UBE2E2: variants seen among roughly 807,000 people sequenced by gnomAD.
UBE2E2 encodes ubiquitin conjugating enzyme E2 E2, also known as ubiquitin-conjugating enzyme E2 E2.
In UBE2E2, 6 loss-of-function variants were observed where a neutral mutation model predicts 24.7. That is an observed-to-expected ratio of 0.24 (90% CI 0.13 to 0.48). The LOEUF is 0.48. Among genes scored for constraint, UBE2E2 ranks in the 20% least tolerant of loss-of-function variants. The pLI, the probability that UBE2E2 is intolerant of heterozygous loss-of-function variation, is 0.99. For missense variants in UBE2E2, 169 were observed against 245.0 expected, an observed-to-expected ratio of 0.69 and a Z score of 2.07; for synonymous variants, 104 against 83.6, an observed-to-expected ratio of 1.24 and a Z score of -1.33.
At chr3:23,359,641 G>A (rs1351151015) in intron 3 of UBE2E2, among the ~76,000 whole-genome samples, 2 of 151,576 alleles carry the variant, frequency 1.3e-5, no homozygotes, top group Non-Finnish European at 2.9e-5. Context: ...TTCTTTTTTT[G>A]CCTTTCTCTG....
At chr3:23,255,991 AC>A (rs1259438983) in intron 3 of UBE2E2, among the ~76,000 whole-genome samples, 2 of 152,208 alleles carry the variant, frequency 1.3e-5, no homozygotes, top group Non-Finnish European at 2.9e-5. Context: ...TAAATAAAAG[AC>A]AGCTTCTGAG....
chr3:23,447,650 T>C (rs1209147152), intron 3 of UBE2E2, among the ~76,000 whole-genome samples: 1 of 152,334 alleles, frequency 6.6e-6, no homozygotes, highest in South Asian at 2.1e-4. Context: ...GTTTTAGTAA[T>C]TCTTTTTTTG....
chr3:23,515,799 GAAAA>G (rs201490292), intron 4 of UBE2E2, among the ~76,000 whole-genome samples: 2 of 120,624 alleles, frequency 1.7e-5, no homozygotes, highest in African/African-American at 3.0e-5. Flanking sequence ...TCTACAAAAA[GAAAA>G]AAAAAAAAAA....
intron 3 of UBE2E2, among the ~76,000 whole-genome samples, chr3:23,278,921 C>G (rs755841797): frequency 6.7e-6 from 1 of 150,346 alleles, no homozygotes; most frequent in Non-Finnish European, 1.5e-5. Context: ...ATTAGGATAG[C>G]AGTCACATGT....
intron 3 of UBE2E2, among the ~76,000 whole-genome samples, chr3:23,229,099 T>C: frequency 6.6e-6 from 1 of 152,212 alleles, no homozygotes; most frequent in East Asian, 1.9e-4. Flanking sequence ...GAGCTCTTTC[T>C]TTAATCCCTG....
In UBE2E2 at chr3:23,565,788, G is replaced by T. The variant is rs534964560; in HGVS notation, c.509-23946G>T. On this transcript the variant is annotated intron_variant, in intron 5 of 5. Coordinates refer to ENST00000396703, the MANE Select transcript of UBE2E2 (RefSeq NM_152653.4). ...TTCTGCCTAATAGTTCAGCATCATT[G>T]GAAAGGACTTAGTGTGTTCGCAGAT... is the stretch of plus-strand genomic sequence containing the variant. 1.2e-4 allele frequency among the ~76,000 whole-genome samples: 19 copies of T among 152,228 alleles called. 1 individual carries two copies. In the South Asian group the frequency reaches 3.9e-3, roughly 32 times the overall value.
rs1695200579 is a variant in UBE2E2 at position 23,534,243 on chromosome 3, T to C, written c.508+1542T>C. ...AGCCTGTATATGACAGCCTGTTCTC[T>C]CTACAGATATTCCTGCTTAAAGGAA... On this transcript the variant is annotated intron_variant, in intron 5 of 5. Transcript: ENST00000396703. The C allele has an allele frequency of 2.3e-5, 23 of 984,342 alleles. No homozygotes were observed. In the South Asian group the frequency reaches 7.5e-4, roughly 32 times the overall value. The allele number at this position is 984,342 out of a possible 1,614,324, so 61.0% of individuals were successfully genotyped here.
At chr3:23,433,957 C>T (rs1698124252) in intron 3 of UBE2E2, among the ~76,000 whole-genome samples, 1 of 151,894 alleles carries the variant, frequency 6.6e-6, no homozygotes, top group African/African-American at 2.4e-5. Flanking sequence ...AAAATAAATC[C>T]TCAATATTAT....
At chr3:23,489,456 C>CA (rs1648287629) in intron 3 of UBE2E2, among the ~76,000 whole-genome samples, 2 of 151,998 alleles carry the variant, frequency 1.3e-5, no homozygotes, top group Non-Finnish European at 1.5e-5. Flanking sequence ...AATCTATTGC[C>CA]ACCGCTGATG....
chr3:23,307,268 C>T (rs1044149215), intron 3 of UBE2E2, among the ~76,000 whole-genome samples: 10 of 151,994 alleles, frequency 6.6e-5, no homozygotes, highest in African/African-American at 2.4e-4. Context: ...ATTCTTCCTC[C>T]CTCTGTATAG....
chr3:23,563,102 C>T (rs1695976477), intron 5 of UBE2E2, among the ~76,000 whole-genome samples: 1 of 151,964 alleles, frequency 6.6e-6, no homozygotes, highest in African/African-American at 2.4e-5. Context: ...TATTTCTTGC[C>T]TTCTGCTAGC....
At chr3:23,297,895 G>A (rs79517742) in intron 3 of UBE2E2, among the ~76,000 whole-genome samples, 43,836 of 151,572 alleles carry the variant, frequency 0.29, 7,573 homozygotes, top group Admixed American at 0.49. Flanking sequence ...CCATTTTCAC[G>A]ATATTGATTC....
chr3:23,378,236 T>TAAAAAAAAAAA (rs56808350), intron 3 of UBE2E2, among the ~76,000 whole-genome samples: 6 of 118,058 alleles, frequency 5.1e-5, no homozygotes, highest in East Asian at 2.6e-4. Context: ...AAATAAGCAG[T>TAAAAAAAAAAA]AAAAAAAAAA....
At chr3:23,573,960 T>C (rs954974975) in intron 5 of UBE2E2, among the ~76,000 whole-genome samples, 1 of 151,822 alleles carries the variant, frequency 6.6e-6, no homozygotes, top group Non-Finnish European at 1.5e-5. Flanking sequence ...AAACTAAAGC[T>C]GTGTGCAATG....
At chr3:23,490,647 T>G (rs1283688634) in intron 3 of UBE2E2, among the ~76,000 whole-genome samples, 3 of 152,232 alleles carry the variant, frequency 2.0e-5, no homozygotes, top group Non-Finnish European at 2.9e-5. Context: ...GAAGTCTTCC[T>G]TTCTCAGTGA....
At chr3:23,248,579 A>C (rs912562925) in intron 3 of UBE2E2, among the ~76,000 whole-genome samples, 1 of 152,250 alleles carries the variant, frequency 6.6e-6, no homozygotes, top group Non-Finnish European at 1.5e-5. Context: ...ACTTTAGTTA[A>C]TTTCTGTAAA....
chr3:23,268,940 C>G (rs1698147961), intron 3 of UBE2E2, among the ~76,000 whole-genome samples: 1 of 152,066 alleles, frequency 6.6e-6, no homozygotes, highest in South Asian at 2.1e-4. Context: ...CTGACAAAAA[C>G]AAGCAATGGG....
intron 3 of UBE2E2, among the ~76,000 whole-genome samples, chr3:23,433,434 C>T (rs932853964): frequency 2.0e-5 from 3 of 151,822 alleles, no homozygotes; most frequent in African/African-American, 7.2e-5. Context: ...TGTTTTAATG[C>T]AGGTGAATGC....
At chr3:23,266,864 A>T (rs984583482) in intron 3 of UBE2E2, among the ~76,000 whole-genome samples, 2 of 152,246 alleles carry the variant, frequency 1.3e-5, no homozygotes, top group African/African-American at 4.8e-5. Context: ...CTCTCAGACC[A>T]CAGTGCAATC....
Sources: gnomAD v4.1 joint callset for allele counts (sites outside exome capture counted in the v4.1 genomes callset) on GRCh38, gnomAD v4.1.1 for gene constraint, MANE v1.5 for transcripts, NCBI Gene and HGNC (gene_info 2026-07-23, HGNC 2026-07-21) for gene names.